Variants in SMN1 observed in about 807,000 individuals in gnomAD.
The protein encoded by SMN1 is survival motor neuron protein.
For missense variants in SMN1, 15 were observed against 17.1 expected, an observed-to-expected ratio of 0.88 and a Z score of 0.22; for synonymous variants, 3 against 5.1, an observed-to-expected ratio of 0.58 and a Z score of 0.56.
chr5:70,958,957 G>A, the SMN1 span, among the ~76,000 whole-genome samples: 3 of 150,148 alleles, frequency 2.0e-5, no homozygotes, highest in African/African-American at 4.9e-5. Context: ...ACATGCACAC[G>A]TATGTTTATT....
At chr5:70,955,154 A>G (rs1292484451), downstream of SMN1, among the ~76,000 whole-genome samples, 11 of 144,620 alleles carry the variant, frequency 7.6e-5, no homozygotes, top group Admixed American at 1.4e-4. Context: ...TTGAGGCTGT[A>G]TAATGAGCCA....
chr5:70,950,073 A>G (rs1171650790), intron 7 of SMN1, among the ~76,000 whole-genome samples: 5 of 147,646 alleles, frequency 3.4e-5, no homozygotes, highest in Non-Finnish European at 5.9e-5. Context: ...CATCTCAAAA[A>G]AAAAAAAATA....
At chr5:70,960,857 A>G in the SMN1 span, among the ~76,000 whole-genome samples, 3 of 149,630 alleles carry the variant, frequency 2.0e-5, no homozygotes, top group Non-Finnish European at 4.5e-5. Context: ...CACTGCACCC[A>G]GCATAATTTT....
chr5:70,952,110 A>C lies in SMN1; in HGVS notation c.*3+116A>C, dbSNP rs200563560. ...CAGATGTTAAAAAGTTGAAAGGTTA[A>C]TGTAAAACAATCAATATTAAAGAAT... On this transcript the variant is annotated intron_variant, in intron 8 of 8. Coordinates refer to ENST00000380707, the MANE Select transcript of SMN1 (RefSeq NM_000344.4). 6.4e-5 allele frequency: 100 copies of C among 1,554,542 alleles called. No homozygotes were observed. The East Asian group carries it at 2.2e-3, about 35-fold the overall frequency.
At chr5:70,955,799 TAAG>T (rs1749891667), downstream of SMN1, among the ~76,000 whole-genome samples, 1 of 144,060 alleles carries the variant, frequency 6.9e-6, no homozygotes, top group Admixed American at 6.9e-5. Flanking sequence ...AAAAAGTAAT[TAAG>T]TTCTGTCATG....
At chr5:70,955,786 GA>G (rs932899117), downstream of SMN1, among the ~76,000 whole-genome samples, 4 of 145,072 alleles carry the variant, frequency 2.8e-5, no homozygotes, top group East Asian at 4.0e-4. Flanking sequence ...GTCTCAAAAA[GA>G]AAAAAAGTAA....
intron 7 of SMN1, 42 bp from the exon 8 acceptor site, chr5:70,951,899 C>T (rs750363211): frequency 1.9e-5 from 29 of 1,553,346 alleles, no homozygotes; most frequent in Middle Eastern, 1.7e-4. Context: ...CTATCTATGT[C>T]TATATAGCTA....
At chr5:70,959,384 T>C in the SMN1 span, among the ~76,000 whole-genome samples, 1 of 147,130 alleles carries the variant, frequency 6.8e-6, no homozygotes, top group African/African-American at 2.5e-5. Context: ...TGTGCACATG[T>C]ACCCTAAAAC....
chr5:70,959,429 G>T, the SMN1 span, among the ~76,000 whole-genome samples: 1 of 136,950 alleles, frequency 7.3e-6, no homozygotes, highest in Admixed American at 7.7e-5. Flanking sequence ...TAAGAAAAAT[G>T]CAAAAATTAA....
the SMN1 span, among the ~76,000 whole-genome samples, chr5:70,963,262 GGTTT>G: frequency 5.3e-3 from 37 of 7,036 alleles, no homozygotes; most frequent in Middle Eastern, 0.02. Flanking sequence ...ATTTTAGTAA[GGTTT>G]GTTTTTGTGG....
the SMN1 span, among the ~76,000 whole-genome samples, chr5:70,963,891 T>G: frequency 1.0e-5 from 1 of 95,918 alleles, no homozygotes; most frequent in Admixed American, 1.0e-4. Context: ...TTTTTTTTTT[T>G]TTTTTTTTTT....
At chr5:70,959,413 A>G in the SMN1 span, among the ~76,000 whole-genome samples, 1 of 143,694 alleles carries the variant, frequency 7.0e-6, no homozygotes, top group East Asian at 2.1e-4. Flanking sequence ...TAATAATAAA[A>G]TAAAATAAGA....
At chr5:70,955,350 C>G (rs1749879530), downstream of SMN1, among the ~76,000 whole-genome samples, 1 of 144,968 alleles carries the variant, frequency 6.9e-6, no homozygotes, top group Non-Finnish European at 1.5e-5. Context: ...AAGCCATTCT[C>G]CCACCTCGGG....
intron 7 of SMN1, among the ~76,000 whole-genome samples, chr5:70,950,645 T>TG (rs1414292669): frequency 8.7e-6 from 1 of 115,426 alleles, no homozygotes; most frequent in African/African-American, 3.1e-5. Context: ...TTGTTTTTTG[T>TG]TTTTTTTTTT....
At chr5:70,959,150 G>A in the SMN1 span, among the ~76,000 whole-genome samples, 22 of 148,700 alleles carry the variant, frequency 1.5e-4, no homozygotes, top group African/African-American at 4.9e-4. Context: ...GTAAACTATC[G>A]CAAGGACAAA....
At chr5:70,950,266 A>C (rs539230320) in intron 7 of SMN1, among the ~76,000 whole-genome samples, 1 of 143,656 alleles carries the variant, frequency 7.0e-6, no homozygotes, top group African/African-American at 2.6e-5. Flanking sequence ...AAAAATACAA[A>C]ACTAGCCGGG....
At chr5:70,951,391 A>G (rs1749724634) in intron 7 of SMN1, among the ~76,000 whole-genome samples, 1 of 151,942 alleles carries the variant, frequency 6.6e-6, no homozygotes, top group Non-Finnish European at 1.5e-5. Context: ...CTCCTGCCTC[A>G]GCCTCCCAAG....
At chr5:70,958,798 G>C (rs990467621), downstream of SMN1, among the ~76,000 whole-genome samples, 4 of 149,558 alleles carry the variant, frequency 2.7e-5, no homozygotes, top group African/African-American at 7.4e-5. Flanking sequence ...CTGTTGATGT[G>C]GGGTGGAGAG....
downstream of SMN1, among the ~76,000 whole-genome samples, chr5:70,956,714 T>C (rs1199766581): frequency 6.6e-6 from 1 of 150,622 alleles, no homozygotes; most frequent in African/African-American, 2.4e-5. Context: ...TTTTGGTCAC[T>C]GTAGCCTTGT....
Sources: allele counts gnomAD v4.1 joint callset (sites outside exome capture counted in the v4.1 genomes callset), GRCh38; gene constraint gnomAD v4.1.1; transcripts MANE v1.5; gene names NCBI Gene and HGNC (gene_info 2026-07-23, HGNC 2026-07-21).